PLCB1: variants seen among roughly 807,000 people sequenced by gnomAD.
PLCB1 encodes 1-phosphatidylinositol 4,5-bisphosphate phosphodiesterase beta-1.
In PLCB1, 46 loss-of-function variants were observed where a neutral mutation model predicts 161.8. The ratio of observed to expected loss-of-function variants is 0.28; its 90% CI spans 0.22 to 0.36. The LOEUF is 0.36. Ranked by LOEUF, PLCB1 falls within the 10% of genes least tolerant of loss-of-function variation. The pLI is 1.00. For missense variants in PLCB1, 1,016 were observed against 1,472.5 expected (o/e 0.69, Z 5.07); for synonymous variants, 517 against 503.7 (o/e 1.03, Z -0.35).
chr20:8,587,667 G>A (rs532288040), intron 3 of PLCB1, among the ~76,000 whole-genome samples: 18 of 152,244 alleles, frequency 1.2e-4, no homozygotes, highest in African/African-American at 4.3e-4. Flanking sequence ...ATTGGGTTCT[G>A]GTTTACAACT....
At chr20:8,713,908 A>G (rs1178559992) in intron 12 of PLCB1, among the ~76,000 whole-genome samples, 3 of 152,088 alleles carry the variant, frequency 2.0e-5, no homozygotes, top group African/African-American at 7.2e-5. Flanking sequence ...GACAGAGGAC[A>G]CCTGTTTGGG....
chr20:8,340,511 C>T (rs926355397), intron 2 of PLCB1, among the ~76,000 whole-genome samples: 1 of 152,032 alleles, frequency 6.6e-6, no homozygotes, highest in African/African-American at 2.4e-5. Flanking sequence ...CAAGCTCCGC[C>T]TCCCGGGTTC....
intron 2 of PLCB1, among the ~76,000 whole-genome samples, chr20:8,209,475 A>C (rs1438434422): frequency 6.6e-6 from 1 of 152,142 alleles, no homozygotes; most frequent in Non-Finnish European, 1.5e-5. Context: ...GTGTAATCTT[A>C]TGGTAATTTT....
At chr20:8,322,619 A>C (rs967276078) in intron 2 of PLCB1, among the ~76,000 whole-genome samples, 4 of 152,200 alleles carry the variant, frequency 2.6e-5, no homozygotes, top group Non-Finnish European at 5.9e-5. Flanking sequence ...GTTATTCCAC[A>C]AGCATTTCTT....
intron 14 of PLCB1, among the ~76,000 whole-genome samples, chr20:8,721,788 C>G (rs1366167712): frequency 1.3e-5 from 2 of 152,122 alleles, no homozygotes; most frequent in South Asian, 4.1e-4. Context: ...CTGCCAAAGC[C>G]CCAGAGTTCC....
At chr20:8,333,341 A>G (rs139029534) in intron 2 of PLCB1, among the ~76,000 whole-genome samples, 1 of 152,346 alleles carries the variant, frequency 6.6e-6, no homozygotes, top group East Asian at 1.9e-4. Flanking sequence ...TGCCAAAAGT[A>G]AAAAGTGTTG....
chr20:8,396,160 TAATA>T (rs1344368235), intron 3 of PLCB1, among the ~76,000 whole-genome samples: 4 of 152,050 alleles, frequency 2.6e-5, no homozygotes, highest in African/African-American at 9.7e-5. Context: ...AGATGTTAGA[TAATA>T]AATCATATAT....
chr20:8,293,985 C>T lies in PLCB1; in HGVS notation c.178-77397C>T, dbSNP rs144413668. Among the ~76,000 whole-genome samples the T allele has an allele frequency of 4.9e-3, 750 of 152,216 alleles. 7 individuals carry two copies. Among genetic ancestry groups the T allele is most frequent in the African/African-American group, 0.017 (720 of 41,536 alleles). ...TCTATTTGAGTTGCACATCTTGGGACGTCTTGTGCAATTGTTCATTCAAGA... is the reference window on the plus strand; with the variant it reads ...TCTATTTGAGTTGCACATCTTGGGATGTCTTGTGCAATTGTTCATTCAAGA... On this transcript the variant is annotated intron_variant, in intron 2 of 31. Coordinates refer to ENST00000338037, the MANE Select transcript of PLCB1 (RefSeq NM_015192.4).
intron 2 of PLCB1, 93 bp from the exon 3 acceptor site, chr20:8,371,289 C>A: frequency 1.3e-6 from 1 of 765,928 alleles, no homozygotes; most frequent in African/African-American, 1.7e-5. Flanking sequence ...TCAGTCAAGT[C>A]TCAAGATAAT....
At chr20:8,780,307 A>G (rs771573309) in intron 27 of PLCB1, among the ~76,000 whole-genome samples, 5 of 152,160 alleles carry the variant, frequency 3.3e-5, no homozygotes, top group Non-Finnish European at 7.3e-5. Flanking sequence ...TGTAATGTTA[A>G]GGAGTTTTTG....
chr20:8,530,884 C>T (rs956264698), intron 3 of PLCB1, among the ~76,000 whole-genome samples: 2 of 151,952 alleles, frequency 1.3e-5, no homozygotes, highest in African/African-American at 4.8e-5. Context: ...GAATAATTAT[C>T]TTTTTCATTA....
At chr20:8,610,186 G>C (rs779352214) in intron 3 of PLCB1, among the ~76,000 whole-genome samples, 1 of 152,056 alleles carries the variant, frequency 6.6e-6, no homozygotes, top group Non-Finnish European at 1.5e-5. Flanking sequence ...TGATGTTTTT[G>C]CTTGTGAAAG....
chr20:8,590,137 A>G (rs931377163), intron 3 of PLCB1, among the ~76,000 whole-genome samples: 1 of 152,330 alleles, frequency 6.6e-6, no homozygotes, highest in Non-Finnish European at 1.5e-5. Flanking sequence ...AGGAAGCCTG[A>G]ACACGGAACT....
chr20:8,290,867 TATCACC>T (rs1690948832), intron 2 of PLCB1, among the ~76,000 whole-genome samples: 2 of 152,116 alleles, frequency 1.3e-5, no homozygotes, highest in African/African-American at 4.8e-5. Context: ...TACAACACTG[TATCACC>T]ATTTGGAAGA....
chr20:8,799,366 C>T (rs1371766410), intron 31 of PLCB1, among the ~76,000 whole-genome samples: 1 of 152,128 alleles, frequency 6.6e-6, no homozygotes, highest in Non-Finnish European at 1.5e-5. Context: ...TTCATCTGCC[C>T]ACCTGCCATA....
chr20:8,720,761 C>A (rs1003384152), intron 14 of PLCB1, among the ~76,000 whole-genome samples: 1 of 151,804 alleles, frequency 6.6e-6, no homozygotes, highest in Admixed American at 6.6e-5. Context: ...GAAATGACTG[C>A]GAATTGTTGG....
chr20:8,362,150 G>A (rs1986564065), intron 2 of PLCB1, among the ~76,000 whole-genome samples: 1 of 152,072 alleles, frequency 6.6e-6, no homozygotes, highest in African/African-American at 2.4e-5. Flanking sequence ...TGAGAAGCCT[G>A]TAATATATAA....
At chr20:8,467,115 A>AT (rs1981857235) in intron 3 of PLCB1, among the ~76,000 whole-genome samples, 4 of 151,934 alleles carry the variant, frequency 2.6e-5, no homozygotes, top group Admixed American at 1.3e-4. Context: ...AATTTTTTGT[A>AT]TTTTTAGTAG....
intron 10 of PLCB1, among the ~76,000 whole-genome samples, chr20:8,686,104 G>C (rs1177799390): frequency 2.0e-5 from 3 of 152,088 alleles, no homozygotes; most frequent in Admixed American, 6.5e-5. Context: ...GCAACAATTG[G>C]AATATAATAC....
Sources: gnomAD v4.1 joint callset for allele counts (sites outside exome capture counted in the v4.1 genomes callset) on GRCh38, gnomAD v4.1.1 for gene constraint, MANE v1.5 for transcripts, NCBI Gene and HGNC (gene_info 2026-07-23, HGNC 2026-07-21) for gene names.